The following PACRG variants were observed in gnomAD, a reference collection of about 807,000 sequenced individuals.
PACRG encodes parkin coregulated gene protein.
PACRG carries 29 observed loss-of-function variants against 29.7 expected under a neutral mutation model. That is an observed-to-expected ratio of 0.98 (90% CI 0.73 to 1.33). PACRG has a LOEUF of 1.33. PACRG is among the 40% of genes most tolerant of loss of function. The probability of loss-of-function intolerance (pLI) is 0.00; values close to 1 mark genes in which losing one functional copy is unlikely to be tolerated. For missense variants in PACRG, 279 were observed against 316.2 expected (o/e 0.88, Z 0.89); for synonymous variants, 116 against 118.7 (o/e 0.98, Z 0.15).
chr6:163,137,056 A>T (rs1335793149), intron 4 of PACRG, among the ~76,000 whole-genome samples: 1 of 152,244 alleles, frequency 6.6e-6, no homozygotes, highest in Non-Finnish European at 1.5e-5. Context: ...ATTCTGAGAT[A>T]TAAAAATAAG....
intron 1 of PACRG, among the ~76,000 whole-genome samples, chr6:162,787,817 T>C (rs1784627524): frequency 7.7e-6 from 1 of 129,234 alleles, no homozygotes; most frequent in South Asian, 3.4e-4. Flanking sequence ...AGAATGCCTG[T>C]CCTCTAATTT....
At position 162,990,113 on chromosome 6, in the gene PACRG, C is replaced by A. The variant is rs1803309027; in HGVS notation, c.292-72037C>A. Among the ~76,000 whole-genome samples, 3 of 151,744 alleles carry A rather than the reference C, an allele frequency of 2.0e-5. No homozygotes were observed. The South Asian group carries it at 6.3e-4, about 32-fold the overall frequency. ...ATAGTATTCCATGGTGTATATGTGC[C>A]ACATTTTCTTAATCCAGCCTATCAT... On this transcript the variant is annotated intron_variant, in intron 2 of 4. Transcript: ENST00000366888.
intron 4 of PACRG, among the ~76,000 whole-genome samples, chr6:163,164,703 T>C (rs956118205): frequency 6.6e-6 from 1 of 152,228 alleles, no homozygotes; most frequent in Admixed American, 6.5e-5. Context: ...GGGGCCTTAG[T>C]TCAAGCTGGG....
chr6:162,804,153 A>T (rs1472824866), intron 1 of PACRG, among the ~76,000 whole-genome samples: 1 of 152,218 alleles, frequency 6.6e-6, no homozygotes, highest in African/African-American at 2.4e-5. Flanking sequence ...GGAAAAGCAC[A>T]AAGTTATTAA....
intron 4 of PACRG, among the ~76,000 whole-genome samples, chr6:163,302,084 CA>C (rs1008473238): frequency 3.0e-4 from 45 of 152,254 alleles, no homozygotes; most frequent in African/African-American, 1.0e-3. Context: ...ATTCTTTATT[CA>C]AAAGTATCAA....
chr6:163,288,318 T>C (rs1207206151), intron 4 of PACRG, among the ~76,000 whole-genome samples: 2 of 152,196 alleles, frequency 1.3e-5, no homozygotes, highest in East Asian at 3.9e-4. Flanking sequence ...TGGTATTCTG[T>C]AACCGAGGTC....
intron 2 of PACRG, among the ~76,000 whole-genome samples, chr6:162,968,235 A>G (rs765733792): frequency 2.0e-5 from 3 of 152,242 alleles, no homozygotes; most frequent in Non-Finnish European, 4.4e-5. Context: ...CCAGGTTATT[A>G]TGAAAGTAAA....
intron 2 of PACRG, among the ~76,000 whole-genome samples, chr6:162,916,744 T>G (rs1796719790): frequency 6.6e-6 from 1 of 152,176 alleles, no homozygotes; most frequent in African/African-American, 2.4e-5. Flanking sequence ...GTAGTTCTTT[T>G]TTATTGGCTC....
In PACRG at chr6:162,796,883, A is replaced by T. The variant is rs1164012830; in HGVS notation, c.157-17264A>T. ...TGCTTGACACAGTCCTTTCAAAGAC[A>T]TTGCCCCAGTCCTTTCCTGAGAGTC... On this transcript the variant is annotated intron_variant, in intron 1 of 4. Transcript: ENST00000366888. Among the ~76,000 whole-genome samples, 8 of 152,354 alleles carry T rather than the reference A, an allele frequency of 5.3e-5. No individual in the cohort carries two copies. In the East Asian group the frequency reaches 1.5e-3, roughly 29 times the overall value.
intron 4 of PACRG, among the ~76,000 whole-genome samples, chr6:163,313,055 ATC>A (rs149515340): frequency 1.4e-3 from 209 of 147,010 alleles, no homozygotes; most frequent in Admixed American, 1.6e-3. Flanking sequence ...TGTATCCAGC[ATC>A]TCTCTCTCTC....
chr6:162,896,682 C>A lies in PACRG; in HGVS notation c.291+82401C>A, dbSNP rs1474879481. Among the ~76,000 whole-genome samples, 6 of 152,274 alleles carry A rather than the reference C, an allele frequency of 3.9e-5. No homozygotes were observed. In the East Asian group the frequency reaches 1.2e-3, roughly 29 times the overall value. On this transcript the variant is annotated intron_variant, in intron 2 of 4. Coordinates refer to ENST00000366888, the MANE Select transcript of PACRG (RefSeq NM_001080379.2). The stretch of plus-strand genomic sequence containing the variant: ...CATGTGAATTATATGAAACATGTAT[C>A]AGAATTTTTTCCTTTGTATGACACA...
At chr6:162,810,597 C>T (rs150619379) in intron 1 of PACRG, among the ~76,000 whole-genome samples, 24 of 152,050 alleles carry the variant, frequency 1.6e-4, no homozygotes, top group South Asian at 4.2e-4. Flanking sequence ...AAGAAATAGA[C>T]GATATAAAGA....
chr6:163,209,108 T>C (rs1781030419), intron 4 of PACRG, among the ~76,000 whole-genome samples: 1 of 152,238 alleles, frequency 6.6e-6, no homozygotes, highest in South Asian at 2.1e-4. Flanking sequence ...CACATTTTTC[T>C]GACACCTTTC....
At chr6:162,749,689 T>C (rs1212198300) in intron 1 of PACRG, among the ~76,000 whole-genome samples, 2 of 151,938 alleles carry the variant, frequency 1.3e-5, no homozygotes, top group Non-Finnish European at 2.9e-5. Context: ...CCCAACTGAT[T>C]TTGTATTTTC....
chr6:163,275,837 G>A (rs957076074), intron 4 of PACRG, among the ~76,000 whole-genome samples: 3 of 152,172 alleles, frequency 2.0e-5, no homozygotes, highest in Non-Finnish European at 4.4e-5. Context: ...AAAGGACATA[G>A]TGACTGCAAG....
chr6:162,979,234 G>A (rs1363527174), intron 2 of PACRG, among the ~76,000 whole-genome samples: 1 of 152,052 alleles, frequency 6.6e-6, no homozygotes, highest in Non-Finnish European at 1.5e-5. Context: ...CCTGGGGTGA[G>A]GTGACATCTC....
chr6:162,914,617 G>T (rs1477283466), intron 2 of PACRG, among the ~76,000 whole-genome samples: 3 of 136,572 alleles, frequency 2.2e-5, no homozygotes, highest in Non-Finnish European at 4.6e-5. Flanking sequence ...AAAAAAACCT[G>T]CTGGAATTTT....
chr6:163,179,614 G>A (rs1779554970), intron 4 of PACRG, among the ~76,000 whole-genome samples: 1 of 151,798 alleles, frequency 6.6e-6, no homozygotes, highest in Non-Finnish European at 1.5e-5. Context: ...GCCGAGATGG[G>A]AGAATCAGAT....
intron 2 of PACRG, among the ~76,000 whole-genome samples, chr6:162,935,780 T>A (rs764590214): frequency 6.6e-6 from 1 of 152,188 alleles, no homozygotes; most frequent in Admixed American, 6.5e-5. Flanking sequence ...GGAACATTTC[T>A]TTCTGAGAAA....
Sources: allele counts gnomAD v4.1 joint callset (sites outside exome capture counted in the v4.1 genomes callset), GRCh38; gene constraint gnomAD v4.1.1; transcripts MANE v1.5; gene names NCBI Gene and HGNC (gene_info 2026-07-23, HGNC 2026-07-21).